FOXP2: variants seen among roughly 807,000 people sequenced by gnomAD.
FOXP2 encodes forkhead box protein P2.
FOXP2 carries 12 observed loss-of-function variants against 115.8 expected under a neutral mutation model. The ratio of observed to expected loss-of-function variants is 0.10; its 90% CI spans 0.07 to 0.17. FOXP2 has a LOEUF of 0.17. Ranked by LOEUF, FOXP2 falls within the 10% of genes least tolerant of loss-of-function variation. The pLI is 1.00. For missense variants in FOXP2, 629 were observed against 843.5 expected, an observed-to-expected ratio of 0.75 and a Z score of 3.15; for synonymous variants, 328 against 297.7, an observed-to-expected ratio of 1.10 and a Z score of -1.05.
chr7:114,270,199 G>T lies in FOXP2; in HGVS notation c.-101-17820G>T, dbSNP rs368417552. Reference sequence around the variant, plus strand: ...TAATACTCAATTGTGTGTATATTTTGCAGTTTATTTATCCAATTACCTACT... The same window carrying T: ...TAATACTCAATTGTGTGTATATTTTTCAGTTTATTTATCCAATTACCTACT... On this transcript the variant is annotated intron_variant, in intron 1 of 17. Transcript: ENST00000634411. Among the ~76,000 whole-genome samples the T allele has an allele frequency of 3.3e-5, 5 of 152,130 alleles. No individual in the cohort carries two copies. The East Asian group carries it at 5.8e-4, about 18-fold the overall frequency.
chr7:114,354,357 A>G (rs2129186411), intron 2 of FOXP2, among the ~76,000 whole-genome samples: 1 of 152,166 alleles, frequency 6.6e-6, no homozygotes, highest in South Asian at 2.1e-4. Context: ...CAATTCCTAT[A>G]ATAAGCCTGT....
At chr7:114,136,592 G>T (rs1180949292) in intron 1 of FOXP2, among the ~76,000 whole-genome samples, 1 of 151,592 alleles carries the variant, frequency 6.6e-6, no homozygotes, top group African/African-American at 2.4e-5. Flanking sequence ...GTCTTTTGAG[G>T]ATATAGTTTT....
At chr7:114,284,278 A>G (rs1421092129) in intron 1 of FOXP2, among the ~76,000 whole-genome samples, 2 of 66,600 alleles carry the variant, frequency 3.0e-5, no homozygotes, top group Non-Finnish European at 6.3e-5. Context: ...CACATTGTTA[A>G]AAAAAAAAAA....
At chr7:114,190,698 C>T (rs912727890) in intron 1 of FOXP2, among the ~76,000 whole-genome samples, 1 of 152,122 alleles carries the variant, frequency 6.6e-6, no homozygotes, top group Non-Finnish European at 1.5e-5. Context: ...CTGATTTTCT[C>T]CCTCCCTCTT....
chr7:114,644,727 C>T lies in FOXP2; in HGVS notation c.1032C>T (p.Gly344=), dbSNP rs1805777631. The T allele has an allele frequency of 3.7e-6, 6 of 1,613,890 alleles. No individual in the cohort carries two copies. The highest frequency in any genetic ancestry group is 5.1e-6 in the Non-Finnish European group (6 of 1,179,952). The change falls in exon 8 of 17, where the codon GGC becomes GGT. Residue 344 remains glycine (G), a synonymous_variant. Transcript: ENST00000350908. ...EETGASHTLY[G]HGVCKWPGCE... ...CTGGGGCCTCTCACACTCTCTATGG[C>T]CATGGAGTTTGCAAATGGCCAGGCT... is the stretch of plus-strand genomic sequence containing the variant.
chr7:114,629,816 A>G lies in FOXP2; in HGVS notation c.408A>G (p.Gln136=). The change falls in exon 5 of 17, where the codon CAA becomes CAG. Residue 136 remains glutamine (Q), a synonymous_variant. Coordinates refer to ENST00000350908, the MANE Select transcript of FOXP2 (RefSeq NM_014491.4). ...QAVMLQQQQL[Q]EFYKKQQEQL... ...AATGGTTTATTCAGCAACAACTACA[A>G]GAGTTTTACAAGAAACAGCAAGAGC... 6.2e-7 allele frequency: 1 copy of G among 1,613,090 alleles called. No homozygotes were observed. The highest frequency in any genetic ancestry group is 1.7e-5 in the Admixed American group (1 of 59,764).
intron 1 of FOXP2, among the ~76,000 whole-genome samples, chr7:114,141,888 A>G (rs1417051701): frequency 1.3e-5 from 2 of 152,158 alleles, no homozygotes; most frequent in Non-Finnish European, 2.9e-5. Flanking sequence ...AGAAGGAAAC[A>G]CTTGGGTTAT....
intron 3 of FOXP2, among the ~76,000 whole-genome samples, chr7:114,573,783 T>C (rs1270966219): frequency 6.6e-6 from 1 of 151,648 alleles, no homozygotes; most frequent in Non-Finnish European, 1.5e-5. Context: ...AAGCCTAAAG[T>C]AAAGTGCCAA....
chr7:114,343,871 T>C (rs976857455), intron 2 of FOXP2, among the ~76,000 whole-genome samples: 1 of 151,660 alleles, frequency 6.6e-6, no homozygotes, highest in African/African-American at 2.4e-5. Context: ...CCATTCTATT[T>C]ATCCGCAAAT....
intron 1 of FOXP2, among the ~76,000 whole-genome samples, chr7:114,255,211 G>A (rs944406202): frequency 6.6e-6 from 1 of 152,116 alleles, no homozygotes. Context: ...TACTGGCGAT[G>A]CCTCCCAGTT....
intron 2 of FOXP2, among the ~76,000 whole-genome samples, chr7:114,301,654 G>C (rs1235040852): frequency 1.3e-5 from 2 of 152,042 alleles, no homozygotes; most frequent in African/African-American, 4.8e-5. Flanking sequence ...TAAATGAAAA[G>C]GGCATTTTGC....
chr7:114,689,307 C>T (rs1016903193), intron 16 of FOXP2, among the ~76,000 whole-genome samples: 1 of 151,840 alleles, frequency 6.6e-6, no homozygotes, highest in African/African-American at 2.4e-5. Context: ...CCCAATCTAG[C>T]TTATACTGGA....
chr7:114,675,773 G>A (rs1294211452), intron 16 of FOXP2, among the ~76,000 whole-genome samples: 1 of 151,618 alleles, frequency 6.6e-6, no homozygotes, highest in Non-Finnish European at 1.5e-5. Flanking sequence ...ATATCAATGG[G>A]GAACATATGA....
At chr7:114,580,638 C>T (rs891617970) in intron 3 of FOXP2, among the ~76,000 whole-genome samples, 4 of 151,892 alleles carry the variant, frequency 2.6e-5, no homozygotes, top group Non-Finnish European at 5.9e-5. Context: ...AAGAATACAA[C>T]GACTTGATTT....
intron 1 of FOXP2, among the ~76,000 whole-genome samples, chr7:114,415,742 C>A (rs1192492850): frequency 6.6e-6 from 1 of 151,814 alleles, no homozygotes; most frequent in Admixed American, 6.6e-5. Context: ...TGTCAGGGCG[C>A]AAGTTTTTGA....
At chr7:114,468,390 ATTC>A (rs1158763387) in intron 2 of FOXP2, among the ~76,000 whole-genome samples, 4 of 152,076 alleles carry the variant, frequency 2.6e-5, no homozygotes, top group African/African-American at 9.7e-5. Context: ...GCTTAAGAAA[ATTC>A]TTCAATTGTT....
rs1025504044 is a variant in FOXP2, at chr7:114,538,508, T to C, written c.258+3802T>C. 3.2e-5 allele frequency: 16 copies of C among 499,310 alleles called. No homozygotes were observed. The Middle Eastern group carries it at 5.0e-3, about 156-fold the overall frequency. The allele number at this position is 499,310 out of a possible 1,614,324, so 30.9% of individuals were successfully genotyped here. On this transcript the variant is annotated intron_variant, in intron 3 of 16. Transcript: ENST00000350908. ...CTAATAGGTAATTGAATTATAAAAT[T>C]TTTATAATTCTGTCTTAAGAAGTTC... is the stretch of plus-strand genomic sequence containing the variant.
At chr7:114,093,398 C>T (rs1012736782) in intron 1 of FOXP2, among the ~76,000 whole-genome samples, 1 of 152,198 alleles carries the variant, frequency 6.6e-6, no homozygotes, top group Non-Finnish European at 1.5e-5. Flanking sequence ...CTATCATTAA[C>T]TGACATTTAG....
intron 2 of FOXP2, among the ~76,000 whole-genome samples, chr7:114,317,554 C>T (rs529140761): frequency 6.6e-6 from 1 of 152,118 alleles, no homozygotes; most frequent in Non-Finnish European, 1.5e-5. Flanking sequence ...TGCAAGCCAC[C>T]ATCACCTCCT....
Sources: gnomAD v4.1 joint callset for allele counts (sites outside exome capture counted in the v4.1 genomes callset) on GRCh38, gnomAD v4.1.1 for gene constraint, MANE v1.5 for transcripts, NCBI Gene and HGNC (gene_info 2026-07-23, HGNC 2026-07-21) for gene names.